The following NPSR1 variants were observed in gnomAD, a reference collection of about 807,000 sequenced individuals.
NPSR1 encodes neuropeptide S receptor 1, also known as neuropeptide S receptor.
Under a neutral mutation model 46.9 loss-of-function variants are expected in NPSR1, and 48 were observed. The ratio of observed to expected loss-of-function variants is 1.02; its 90% CI spans 0.81 to 1.30. The LOEUF (loss-of-function observed/expected upper bound fraction) is 1.30. Ranked by LOEUF, NPSR1 falls within the 50% of genes most tolerant of loss-of-function variation. The pLI, the probability that NPSR1 is intolerant of heterozygous loss-of-function variation, is 0.00. For synonymous variants in NPSR1, 176 were observed against 168.1 expected (o/e 1.05, Z -0.36); for missense variants, 450 against 449.5 (o/e 1.00, Z -0.01).
intron 2 of NPSR1, among the ~76,000 whole-genome samples, chr7:34,772,725 C>T (rs972612545): frequency 1.3e-5 from 2 of 152,134 alleles, no homozygotes; most frequent in Admixed American, 6.6e-5. Flanking sequence ...GTGTTGGGGG[C>T]CTGCTGAAGA....
chr7:34,791,078 G>T (rs1208541179), intron 3 of NPSR1, among the ~76,000 whole-genome samples: 3 of 81,944 alleles, frequency 3.7e-5, no homozygotes, highest in African/African-American at 1.8e-4. Context: ...TATTATATAT[G>T]TTATATGTTA....
At chr7:34,701,724 G>A (rs1218006852) in intron 2 of NPSR1, among the ~76,000 whole-genome samples, 1 of 152,130 alleles carries the variant, frequency 6.6e-6, no homozygotes, top group Non-Finnish European at 1.5e-5. Context: ...TAAATTCAGA[G>A]ACATTATATC....
At chr7:34,709,670 CACT>C (rs889453233) in intron 2 of NPSR1, among the ~76,000 whole-genome samples, 1 of 152,082 alleles carries the variant, frequency 6.6e-6, no homozygotes, top group African/African-American at 2.4e-5. Flanking sequence ...TTGAATTTAC[CACT>C]GATTGTTTGC....
chr7:34,742,218 G>A (rs1784979800), intron 2 of NPSR1, among the ~76,000 whole-genome samples: 1 of 150,700 alleles, frequency 6.6e-6, no homozygotes, highest in African/African-American at 2.4e-5. Flanking sequence ...TTGTTACATA[G>A]GTAAACTCAT....
intron 3 of NPSR1, among the ~76,000 whole-genome samples, chr7:34,789,622 G>A (rs376488154): frequency 9.3e-5 from 14 of 149,976 alleles, no homozygotes; most frequent in Non-Finnish European, 8.9e-5. Context: ...CAGAAACCCC[G>A]TCTCTACTAA....
intron 1 of NPSR1, among the ~76,000 whole-genome samples, chr7:34,676,925 G>A (rs1362040248): frequency 6.6e-6 from 1 of 152,112 alleles, no homozygotes; most frequent in African/African-American, 2.4e-5. Context: ...TGCTCAGCCT[G>A]CCCTAGAGAC....
chr7:34,785,214 A>G (rs1048557643), intron 3 of NPSR1, among the ~76,000 whole-genome samples: 1 of 151,984 alleles, frequency 6.6e-6, no homozygotes, highest in Non-Finnish European at 1.5e-5. Context: ...AAAAAGGATG[A>G]GTTCATGTCC....
intron 2 of NPSR1, among the ~76,000 whole-genome samples, chr7:34,736,777 T>A (rs1043129467): frequency 3.9e-5 from 6 of 152,062 alleles, no homozygotes; most frequent in Non-Finnish European, 8.8e-5. Flanking sequence ...ATTTTTGTAT[T>A]TTTTATTTTT....
intron 2 of NPSR1, among the ~76,000 whole-genome samples, chr7:34,697,858 T>C (rs1034032428): frequency 6.6e-6 from 1 of 152,010 alleles, no homozygotes; most frequent in African/African-American, 2.4e-5. Flanking sequence ...GCCAGTACAC[T>C]TAACCTCAAA....
chr7:34,776,122 T>C (rs939847318), intron 2 of NPSR1, among the ~76,000 whole-genome samples: 1 of 152,298 alleles, frequency 6.6e-6, no homozygotes, highest in Non-Finnish European at 1.5e-5. Flanking sequence ...TATTTTGTTT[T>C]AATGTTTTCA....
intron 3 of NPSR1, among the ~76,000 whole-genome samples, chr7:34,779,363 A>T (rs1787124843): frequency 2.0e-5 from 3 of 151,960 alleles, no homozygotes; most frequent in South Asian, 2.1e-4. Context: ...TTTTATTAAT[A>T]TATTTTTATT....
intron 3 of NPSR1, among the ~76,000 whole-genome samples, chr7:34,793,690 G>T (rs542684189): frequency 1.3e-5 from 2 of 152,182 alleles, no homozygotes; most frequent in African/African-American, 4.8e-5. Context: ...AAATTGAACT[G>T]CCATATGATC....
chr7:34,848,363 A>T (rs1402273107), intron 7 of NPSR1, 120 bp from the exon 8 acceptor site: 1 of 798,890 alleles, frequency 1.3e-6, no homozygotes, highest in Non-Finnish European at 2.1e-6. Flanking sequence ...TCAAACTCCA[A>T]TATTTCTGAG....
At chr7:34,688,492 A>G (rs1583811960) in intron 2 of NPSR1, among the ~76,000 whole-genome samples, 1 of 152,310 alleles carries the variant, frequency 6.6e-6, no homozygotes, top group East Asian at 1.9e-4. Flanking sequence ...CCCCCTTAAC[A>G]GTGGAGCTTG....
chr7:34,783,381 A>C (rs920415793), intron 3 of NPSR1, among the ~76,000 whole-genome samples: 5 of 152,124 alleles, frequency 3.3e-5, no homozygotes, highest in Non-Finnish European at 7.4e-5. Flanking sequence ...TAAAACCATC[A>C]GATCTCATGA....
chr7:34,687,073 C>A (rs1032343858), intron 2 of NPSR1, among the ~76,000 whole-genome samples: 3 of 150,850 alleles, frequency 2.0e-5, no homozygotes, highest in Non-Finnish European at 4.4e-5. Flanking sequence ...TTAATACTTT[C>A]CTCTGTTTTT....
intron 3 of NPSR1, among the ~76,000 whole-genome samples, chr7:34,779,038 T>C (rs1787112178): frequency 1.3e-5 from 2 of 152,156 alleles, no homozygotes; most frequent in African/African-American, 4.8e-5. Flanking sequence ...AATTTCTTCC[T>C]CTCAAATTTC....
Position 34,848,643 on chromosome 7 carries a change from C to T in NPSR1, c.1005C>T (p.Ser335=). The T allele has an allele frequency of 1.9e-6, 3 of 1,614,058 alleles. No individual in the cohort carries two copies. The highest frequency in any genetic ancestry group is 2.5e-6 in the Non-Finnish European group (3 of 1,179,996). ...CCCTCATCTACTGTGTCTTCAGCAGCTCCATCTCTTTCCCCTGCAGGTAAG... is the reference window on the plus strand; with the variant it reads ...CCCTCATCTACTGTGTCTTCAGCAGTTCCATCTCTTTCCCCTGCAGGTAAG... ...INPLIYCVFS[S]SISFPCREQR... is the part of the protein sequence containing the mutation. Residue 335 remains serine, a synonymous_variant, in exon 8 of 9, where the codon AGC becomes AGT. Transcript: ENST00000360581.
chr7:34,740,853 T>C (rs1173194406), intron 2 of NPSR1, among the ~76,000 whole-genome samples: 1 of 152,176 alleles, frequency 6.6e-6, no homozygotes, highest in Non-Finnish European at 1.5e-5. Context: ...GGAGCAAGAG[T>C]TCATGAAGCA....
Sources: allele counts gnomAD v4.1 joint callset (sites outside exome capture counted in the v4.1 genomes callset), GRCh38; gene constraint gnomAD v4.1.1; transcripts MANE v1.5; gene names NCBI Gene and HGNC (gene_info 2026-07-23, HGNC 2026-07-21).